CSMD3: variants seen among roughly 807,000 people sequenced by gnomAD.
CSMD3 encodes CUB and sushi domain-containing protein 3.
CSMD3 carries 177 observed loss-of-function variants against 435.2 expected under a neutral mutation model. The observed-to-expected ratio is 0.41, with a 90% CI of 0.36 to 0.46. The LOEUF (loss-of-function observed/expected upper bound fraction) is 0.46, where lower values mean the gene tolerates loss of function less well. CSMD3 is among the 20% of genes least tolerant of loss of function. The probability of loss-of-function intolerance (pLI) is 0.34; values close to 1 mark genes in which losing one functional copy is unlikely to be tolerated. For synonymous variants in CSMD3, 1,656 were observed against 1,520.5 expected (o/e 1.09, Z -2.07); for missense variants, 4,265 against 4,504.6 (o/e 0.95, Z 1.52).
At chr8:113,195,923 C>CT (rs1217007073) in intron 3 of CSMD3, among the ~76,000 whole-genome samples, 1 of 150,060 alleles carries the variant, frequency 6.7e-6, no homozygotes, top group South Asian at 2.1e-4. Flanking sequence ...TTCACTTCCT[C>CT]TCAGAGGATA....
intron 3 of CSMD3, among the ~76,000 whole-genome samples, chr8:113,194,354 A>T (rs144297391): frequency 4.5e-4 from 68 of 151,448 alleles, no homozygotes; most frequent in African/African-American, 1.6e-3. Context: ...TATAACACAC[A>T]GAGTGTACTC....
At chr8:113,027,156 T>G (rs1002891181) in intron 5 of CSMD3, among the ~76,000 whole-genome samples, 2 of 152,160 alleles carry the variant, frequency 1.3e-5, no homozygotes, top group African/African-American at 2.4e-5. Context: ...AGTTTTAAAA[T>G]GTTTTCATCT....
chr8:112,497,887 G>C (rs1350983175), intron 30 of CSMD3, among the ~76,000 whole-genome samples: 1 of 151,948 alleles, frequency 6.6e-6, no homozygotes, highest in Non-Finnish European at 1.5e-5. Flanking sequence ...AAACAGCGGG[G>C]GTTTGAGGAC....
At position 112,291,146 on chromosome 8, in the gene CSMD3, T is replaced by A. The variant is rs566589379; in HGVS notation, c.8974+364A>T. 2.0e-5 allele frequency among the ~76,000 whole-genome samples: 3 copies of A among 152,082 alleles called. No individual in the cohort carries two copies. In the South Asian group the frequency reaches 6.2e-4, roughly 31 times the overall value. On this transcript the variant is annotated intron_variant, in intron 56 of 70. Coordinates refer to ENST00000297405, the MANE Select transcript of CSMD3 (RefSeq NM_198123.2). ...ATCTTCATGTATTCTGAATCCATGA[T>A]GGATGTTTAAGACTAATTTTGCCTT... is the stretch of plus-strand genomic sequence containing the variant.
intron 13 of CSMD3, among the ~76,000 whole-genome samples, chr8:112,773,099 C>T (rs1197791374): frequency 6.6e-6 from 1 of 151,970 alleles, no homozygotes; most frequent in East Asian, 1.9e-4. Flanking sequence ...TCTCTCATTC[C>T]ACCTGACGAG....
At position 112,546,475 on chromosome 8, in the gene CSMD3, T is replaced by C. The variant is rs141200636; in HGVS notation, c.4564+4196A>G. 2.0e-5 allele frequency among the ~76,000 whole-genome samples: 3 copies of C among 152,118 alleles called. No homozygotes were observed. The South Asian group carries it at 6.2e-4, about 32-fold the overall frequency. On this transcript the variant is annotated intron_variant, in intron 27 of 70. Transcript: ENST00000297405. ...TTCAACCTCTCATGGCTAAGGGATA[T>C]ATTTCCTTGAGATTTTTCAACAGTA... is the stretch of plus-strand genomic sequence containing the variant.
chr8:113,114,942 A>G (rs2090777165), intron 4 of CSMD3, among the ~76,000 whole-genome samples: 1 of 152,332 alleles, frequency 6.6e-6, no homozygotes, highest in African/African-American at 2.4e-5. Flanking sequence ...AGGCACAAAT[A>G]AAGACAGAGC....
chr8:112,469,473 A>C (rs1818308969), intron 32 of CSMD3, among the ~76,000 whole-genome samples: 1 of 152,148 alleles, frequency 6.6e-6, no homozygotes, highest in African/African-American at 2.4e-5. Context: ...AGACGTGCTA[A>C]ATCAGTGGTT....
Position 113,003,390 on chromosome 8 carries a change from G to A in CSMD3, c.1030+15677C>T, listed in dbSNP as rs1035181424. 4.6e-5 allele frequency among the ~76,000 whole-genome samples: 7 copies of A among 151,882 alleles called. No homozygotes were observed. In the South Asian group the frequency reaches 1.0e-3, roughly 23 times the overall value. Reference sequence around the variant, plus strand: ...TATTTCTCACCCTATAAAAATCTGAGTAACCTATGATATTTTAGCAAATAC... The same window carrying A: ...TATTTCTCACCCTATAAAAATCTGAATAACCTATGATATTTTAGCAAATAC... On this transcript the variant is annotated intron_variant, in intron 6 of 70. Transcript: ENST00000297405.
chr8:113,430,966 G>T (rs2094668698), intron 1 of CSMD3, among the ~76,000 whole-genome samples: 1 of 152,204 alleles, frequency 6.6e-6, no homozygotes, highest in Admixed American at 6.5e-5. Flanking sequence ...GGCCTTAAGA[G>T]AAGGAAAGGT....
At chr8:113,110,393 A>T (rs767739475) in intron 4 of CSMD3, among the ~76,000 whole-genome samples, 7 of 152,178 alleles carry the variant, frequency 4.6e-5, no homozygotes, top group Non-Finnish European at 8.8e-5. Context: ...TCTCCATGCA[A>T]ATATCCTACA....
intron 28 of CSMD3, among the ~76,000 whole-genome samples, chr8:112,514,411 A>T (rs1183229312): frequency 3.3e-4 from 50 of 152,254 alleles, no homozygotes; most frequent in Admixed American, 3.3e-3. Context: ...TAAGTCAGGG[A>T]TTCATGAATT....
intron 13 of CSMD3, among the ~76,000 whole-genome samples, chr8:112,694,096 T>C (rs2076199630): frequency 6.6e-6 from 1 of 151,914 alleles, no homozygotes; most frequent in South Asian, 2.1e-4. Context: ...CCCCTTAATT[T>C]TGTGAAGGTA....
chr8:113,159,024 T>G (rs79038237), intron 4 of CSMD3, among the ~76,000 whole-genome samples: 312 of 152,056 alleles, frequency 2.1e-3, no homozygotes, highest in East Asian at 0.012. Flanking sequence ...TGATGGTTCT[T>G]TTTAAGATAA....
intron 13 of CSMD3, among the ~76,000 whole-genome samples, chr8:112,799,043 A>G (rs182448431): frequency 4.3e-4 from 65 of 151,980 alleles, no homozygotes; most frequent in African/African-American, 1.4e-3. Context: ...ACATAAGCCA[A>G]TTGTTCTTTA....
chr8:112,642,105 T>A (rs1195703895), intron 20 of CSMD3, among the ~76,000 whole-genome samples: 1 of 152,150 alleles, frequency 6.6e-6, no homozygotes, highest in East Asian at 1.9e-4. Flanking sequence ...TCTGTATGAC[T>A]TGTACTTAAA....
intron 17 of CSMD3, among the ~76,000 whole-genome samples, chr8:112,665,917 G>C (rs1392475162): frequency 6.6e-6 from 1 of 152,068 alleles, no homozygotes; most frequent in African/African-American, 2.4e-5. Flanking sequence ...GTGTTGATTT[G>C]AATGTGTTTA....
chr8:112,594,334 A>C (rs1166994039), intron 22 of CSMD3, among the ~76,000 whole-genome samples: 1 of 152,164 alleles, frequency 6.6e-6, no homozygotes, highest in Non-Finnish European at 1.5e-5. Context: ...GCGCACCACG[A>C]GATTATATCC....
At chr8:113,223,784 C>T (rs575701961) in intron 3 of CSMD3, among the ~76,000 whole-genome samples, 62 of 142,156 alleles carry the variant, frequency 4.4e-4, no homozygotes, top group African/African-American at 1.4e-3. Context: ...GTGTGTGTGT[C>T]GGTAAAGTAT....
Sources: allele counts gnomAD v4.1 joint callset (sites outside exome capture counted in the v4.1 genomes callset), GRCh38; gene constraint gnomAD v4.1.1; transcripts MANE v1.5; gene names NCBI Gene and HGNC (gene_info 2026-07-23, HGNC 2026-07-21).